The following CAST variants were observed in gnomAD, a reference collection of about 807,000 sequenced individuals.
CAST encodes the protein MIR583 host.
Under a neutral mutation model 119.6 loss-of-function variants are expected in CAST, and 76 were observed. The observed-to-expected ratio is 0.64, with a 90% CI of 0.53 to 0.77. The LOEUF (loss-of-function observed/expected upper bound fraction) is 0.77, where lower values mean the gene tolerates loss of function less well. CAST is among the 30% of genes least tolerant of loss of function. The pLI, the probability that CAST is intolerant of heterozygous loss-of-function variation, is 0.00. For missense variants in CAST, 953 were observed against 946.5 expected, an observed-to-expected ratio of 1.01 and a Z score of -0.09; for synonymous variants, 319 against 331.6, an observed-to-expected ratio of 0.96 and a Z score of 0.41.
the CAST span, among the ~76,000 whole-genome samples, chr5:95,969,735 A>T: frequency 1.3e-5 from 2 of 152,192 alleles, no homozygotes; most frequent in East Asian, 3.8e-4. Flanking sequence ...AGAAGATAAT[A>T]TTATATGAAA....
the CAST span, chr5:96,425,900 C>T: frequency 6.2e-7 from 1 of 1,611,734 alleles, no homozygotes; most frequent in Admixed American, 1.7e-5. Flanking sequence ...TTACTTCTTT[C>T]TTTTTCATAC....
the CAST span, among the ~76,000 whole-genome samples, chr5:96,389,043 A>T: frequency 3.3e-3 from 502 of 152,228 alleles, 2 homozygotes; most frequent in South Asian, 6.8e-3. Flanking sequence ...TGGAATTTTT[A>T]AAAAGTCAAA....
chr5:96,730,674 C>G (rs781096726), intron 8 of CAST, 106 bp from the exon 9 acceptor site: 12 of 794,082 alleles, frequency 1.5e-5, no homozygotes, highest in Non-Finnish European at 2.4e-5. Flanking sequence ...TTATGGTGTC[C>G]GTGAGGGTGA....
At chr5:96,729,024 G>T (rs994073151) in intron 6 of CAST, 129 bp from the exon 7 acceptor site, 1 of 630,238 alleles carries the variant, frequency 1.6e-6, no homozygotes, top group Non-Finnish European at 2.9e-6. Context: ...GAGTGGGCCT[G>T]AGTGGGCCTA....
the CAST span, among the ~76,000 whole-genome samples, chr5:96,376,108 T>G: frequency 6.6e-6 from 1 of 151,456 alleles, no homozygotes; most frequent in East Asian, 1.9e-4. Flanking sequence ...GGTGAATTCA[T>G]ATTTTTTCTA....
chr5:96,593,158 C>T (rs533027116), intron 1 of CAST, among the ~76,000 whole-genome samples: 1 of 152,344 alleles, frequency 6.6e-6, no homozygotes, highest in South Asian at 2.1e-4. Flanking sequence ...GCTGTCGTCC[C>T]CCAAACACAC....
chr5:96,340,141 C>G, the CAST span, among the ~76,000 whole-genome samples: 1 of 152,162 alleles, frequency 6.6e-6, no homozygotes, highest in South Asian at 2.1e-4. Context: ...CTATTTACCT[C>G]AAGGTTATAT....
the CAST span, among the ~76,000 whole-genome samples, chr5:96,515,709 G>C: frequency 6.6e-6 from 1 of 152,094 alleles, no homozygotes; most frequent in Non-Finnish European, 1.5e-5. Flanking sequence ...TTGGGTACCA[G>C]AGAGCAAGAG....
At chr5:96,341,279 T>C in the CAST span, among the ~76,000 whole-genome samples, 4 of 152,122 alleles carry the variant, frequency 2.6e-5, no homozygotes, top group African/African-American at 9.7e-5. Context: ...AAAATGTTAC[T>C]CTAGAAATCT....
At chr5:96,696,271 C>T (rs58106243) in intron 3 of CAST, 2,780 of 156,830 alleles carry the variant, frequency 0.018, 80 homozygotes, top group African/African-American at 0.063. Context: ...CCACACCAGG[C>T]GTGCTGCTAG....
chr5:96,582,724 C>A lies in CAST; in HGVS notation c.60+52844C>A, dbSNP rs376130308. ...TCTGGGGCTCAGCAAGCATTTATTA[C>A]AAGTGTTTAAAATATGTTTAAATAA... On this transcript the variant is annotated intron_variant, in intron 1 of 11. Coordinates refer to the CAST transcript ENST00000505143. Among the ~76,000 whole-genome samples the A allele has an allele frequency of 8.6e-4, 131 of 152,224 alleles. 2 individuals carry two copies. The South Asian group carries it at 0.027, about 31-fold the overall frequency.
At chr5:96,185,756 G>A in the CAST span, among the ~76,000 whole-genome samples, 3 of 152,124 alleles carry the variant, frequency 2.0e-5, no homozygotes. Context: ...CTGCACCCTT[G>A]TAGTATAGTT....
chr5:96,508,889 T>C, the CAST span, among the ~76,000 whole-genome samples: 4 of 152,222 alleles, frequency 2.6e-5, no homozygotes, highest in African/African-American at 9.7e-5. Context: ...TTCCCAATCA[T>C]GTGACCTGAA....
chr5:96,488,817 C>G, the CAST span, among the ~76,000 whole-genome samples: 1 of 152,136 alleles, frequency 6.6e-6, no homozygotes, highest in Non-Finnish European at 1.5e-5. Context: ...TAAATTTACT[C>G]AGAAAATTAA....
chr5:96,356,785 T>C, the CAST span, among the ~76,000 whole-genome samples: 2 of 152,224 alleles, frequency 1.3e-5, no homozygotes, highest in East Asian at 3.8e-4. Flanking sequence ...AGCTTTGTTC[T>C]TTTTGCTTAG....
chr5:96,521,976 C>T (rs754576065), upstream of CAST, among the ~76,000 whole-genome samples: 2 of 152,070 alleles, frequency 1.3e-5, no homozygotes, highest in Non-Finnish European at 2.9e-5. Flanking sequence ...ATTAGCCAGG[C>T]GTGGTGGCGG....
At chr5:96,258,698 G>A in the CAST span, among the ~76,000 whole-genome samples, 1 of 152,252 alleles carries the variant, frequency 6.6e-6, no homozygotes, top group Non-Finnish European at 1.5e-5. Flanking sequence ...CTGATATCTT[G>A]ACATATTACT....
chr5:96,723,593 A>C (rs1185489226), intron 4 of CAST, among the ~76,000 whole-genome samples: 2 of 152,192 alleles, frequency 1.3e-5, no homozygotes, highest in African/African-American at 4.8e-5. Flanking sequence ...AGAATTAAAA[A>C]TAAAAGAATT....
the CAST span, among the ~76,000 whole-genome samples, chr5:96,487,408 C>T: frequency 1.3e-5 from 2 of 152,224 alleles, no homozygotes; most frequent in African/African-American, 4.8e-5. Context: ...GAATCCCATA[C>T]TTTCTGATCT....
Sources: gnomAD v4.1 joint callset for allele counts (sites outside exome capture counted in the v4.1 genomes callset) on GRCh38, gnomAD v4.1.1 for gene constraint, MANE v1.5 for transcripts, NCBI Gene and HGNC (gene_info 2026-07-23, HGNC 2026-07-21) for gene names.